SERPINB12: variants seen among roughly 807,000 people sequenced by gnomAD.
SERPINB12 encodes serpin B12.
Under a neutral mutation model 41.1 loss-of-function variants are expected in SERPINB12, and 57 were observed. That is an observed-to-expected ratio of 1.39 (90% CI 1.12 to 1.73). The LOEUF is 1.73. SERPINB12 is among the 40% of genes most tolerant of loss of function. The pLI, the probability that SERPINB12 is intolerant of heterozygous loss-of-function variation, is 0.00. For missense variants in SERPINB12, 536 were observed against 501.9 expected (o/e 1.07, Z -0.65); for synonymous variants, 180 against 181.3 (o/e 0.99, Z 0.06).
At chr18:63,558,612 C>T (rs1910762617) in intron 3 of SERPINB12, 126 bp downstream of exon 3, 17 of 1,047,334 alleles carry the variant, frequency 1.6e-5, no homozygotes, top group Non-Finnish European at 2.3e-5. Flanking sequence ...ACAGCAATAA[C>T]CTCATGTGAT....
In SERPINB12 at chr18:63,562,943, C is replaced by G. The variant is rs1431594172; in HGVS notation, c.563-1035C>G. 2.0e-5 allele frequency among the ~76,000 whole-genome samples: 3 copies of G among 152,260 alleles called. No individual in the cohort carries two copies. The East Asian group carries it at 5.8e-4, about 29-fold the overall frequency. The stretch of plus-strand genomic sequence containing the variant: ...TGTATACTAAAGGTGGGATATTGCC[C>G]GCTAGCCTGGGGCTTTTCAAGTGGA... On this transcript the variant is annotated intron_variant, in intron 5 of 7. Coordinates refer to ENST00000382768, the MANE Select transcript of SERPINB12 (RefSeq NM_001307928.2).
rs539666888 is a variant in SERPINB12 at position 63,561,170 on chromosome 18, A to C, written c.530A>C (p.Glu177Ala). ...FQKNPEKSRQEINFWVECQSQ... is the reference protein window; with the variant it reads ...FQKNPEKSRQAINFWVECQSQ... ...AAAAACCCTGAAAAATCCAGACAAGAGATTAACTTCTGGGTTGAATGTCAA... is the reference window on the plus strand; with the variant it reads ...AAAAACCCTGAAAAATCCAGACAAGCGATTAACTTCTGGGTTGAATGTCAA... The change falls in exon 5 of 8, where the codon GAG becomes GCG. Residue 177 changes from glutamate to alanine, a missense_variant. Transcript: ENST00000382768. 15 of 1,612,246 alleles carry C rather than the reference A, an allele frequency of 9.3e-6. No individual in the cohort carries two copies. In the African/African-American group the frequency reaches 1.9e-4, roughly 20 times the overall value.
At chr18:63,558,132 T>C (rs778801781) in intron 2 of SERPINB12, among the ~76,000 whole-genome samples, 9 of 152,232 alleles carry the variant, frequency 5.9e-5, no homozygotes, top group African/African-American at 1.7e-4. Flanking sequence ...AGTTTGGTTA[T>C]ATTTATTCAT....
chr18:63,521,971 G>T, the SERPINB12 span, among the ~76,000 whole-genome samples: 1 of 152,256 alleles, frequency 6.6e-6, no homozygotes, highest in East Asian at 1.9e-4. Flanking sequence ...GAACTCAAAA[G>T]CAATAGGTAG....
intron 1 of SERPINB12, among the ~76,000 whole-genome samples, chr18:63,544,034 A>G (rs1028421784): frequency 6.6e-6 from 1 of 152,234 alleles, no homozygotes; most frequent in African/African-American, 2.4e-5. Context: ...TTTAAAAACC[A>G]TGGTATTTCA....
At chr18:63,542,363 C>T (rs1354101930), upstream of SERPINB12, among the ~76,000 whole-genome samples, 2 of 152,202 alleles carry the variant, frequency 1.3e-5, no homozygotes, top group Non-Finnish European at 2.9e-5. Context: ...GAATAGCTTG[C>T]TCAATGCCTC....
chr18:63,521,147 C>A, the SERPINB12 span, among the ~76,000 whole-genome samples: 1 of 152,100 alleles, frequency 6.6e-6, no homozygotes, highest in African/African-American at 2.4e-5. Context: ...AAAGTTATGG[C>A]TTTTGCAGAG....
chr18:63,519,765 CAT>C, the SERPINB12 span, among the ~76,000 whole-genome samples: 19 of 152,146 alleles, frequency 1.2e-4, no homozygotes, highest in Non-Finnish European at 2.6e-4. Context: ...CTAAAAATTT[CAT>C]ATGTCTCAGC....
chr18:63,556,911 C>T (rs1324310848), intron 2 of SERPINB12, among the ~76,000 whole-genome samples: 2 of 152,228 alleles, frequency 1.3e-5, no homozygotes, highest in African/African-American at 2.4e-5. Flanking sequence ...GCAGCAACTT[C>T]CTGATGGGCT....
At chr18:63,557,494 A>G (rs1053082539) in intron 2 of SERPINB12, among the ~76,000 whole-genome samples, 1 of 152,176 alleles carries the variant, frequency 6.6e-6, no homozygotes, top group Non-Finnish European at 1.5e-5. Flanking sequence ...GTTATGCACA[A>G]CTCAGGCTGT....
At chr18:63,547,391 C>A (rs1053427347) in intron 1 of SERPINB12, among the ~76,000 whole-genome samples, 1 of 151,110 alleles carries the variant, frequency 6.6e-6, no homozygotes, top group African/African-American at 2.4e-5. Flanking sequence ...TTGGAAAACA[C>A]TTTCGATGGT....
At chr18:63,556,703 A>T (rs1438865677) in intron 2 of SERPINB12, among the ~76,000 whole-genome samples, 1 of 152,236 alleles carries the variant, frequency 6.6e-6, no homozygotes, top group Non-Finnish European at 1.5e-5. Context: ...ATTTCATTAA[A>T]TAAATATTCA....
the SERPINB12 span, among the ~76,000 whole-genome samples, chr18:63,521,407 G>A: frequency 1.3e-5 from 2 of 152,334 alleles, no homozygotes; most frequent in South Asian, 2.1e-4. Flanking sequence ...CTGTTGGAGA[G>A]AAGTGACTGG....
rs895661591 is a variant in SERPINB12 at position 63,568,644 on chromosome 18, G to A, written c.*1633G>A. Among the ~76,000 whole-genome samples, 1 of 152,138 alleles carries A rather than the reference G, an allele frequency of 6.6e-6. No homozygotes were observed. The highest frequency in any genetic ancestry group is 2.4e-5 in the African/African-American group (1 of 41,412). On this transcript the variant is annotated 3_prime_UTR_variant, in exon 8 of 8. Coordinates refer to ENST00000382768, the MANE Select transcript of SERPINB12 (RefSeq NM_001307928.2). ...CTCTTTCCTATCGAGGTGGGTTTCA[G>A]GTCTTGCTTGCGGCTCAGTTTCCTT... is the stretch of plus-strand genomic sequence containing the variant.
intron 1 of SERPINB12, among the ~76,000 whole-genome samples, chr18:63,554,161 C>G (rs562858173): frequency 3.9e-5 from 6 of 152,260 alleles, no homozygotes; most frequent in African/African-American, 1.2e-4. Flanking sequence ...CCACATACAG[C>G]AGGCATGTGT....
rs1910888759 is a variant in SERPINB12, at chr18:63,561,077, T to A, written c.445-8T>A. 1 of 1,563,026 alleles carries A rather than the reference T, an allele frequency of 6.4e-7. No individual in the cohort carries two copies. Among genetic ancestry groups the A allele is most frequent in the Admixed American group, 1.7e-5 (1 of 59,442 alleles). ...TTGCATTATTTCCCTTTTATTCCAA[T>A]GGAACAGGAATACTTAGATGGTGTG... On this transcript the variant is annotated splice_region_variant and splice_polypyrimidine_tract_variant and intron_variant, in intron 4 of 7. Transcript: ENST00000382768.
intron 1 of SERPINB12, among the ~76,000 whole-genome samples, chr18:63,544,946 G>T (rs1035530405): frequency 6.6e-6 from 1 of 152,062 alleles, no homozygotes; most frequent in Non-Finnish European, 1.5e-5. Context: ...ATGACAAAGA[G>T]CCCCTTTGTA....
At chr18:63,521,200 A>AAAATC in the SERPINB12 span, among the ~76,000 whole-genome samples, 2 of 152,204 alleles carry the variant, frequency 1.3e-5, no homozygotes, top group African/African-American at 4.8e-5. Flanking sequence ...GTGTATGAAA[A>AAAATC]AAATCCCTTC....
At chr18:63,529,475 T>C in the SERPINB12 span, among the ~76,000 whole-genome samples, 1 of 152,196 alleles carries the variant, frequency 6.6e-6, no homozygotes, top group Non-Finnish European at 1.5e-5. Context: ...CTGCGTTTTG[T>C]CAGGGATTGG....
Sources: gnomAD v4.1 joint callset for allele counts (sites outside exome capture counted in the v4.1 genomes callset) on GRCh38, gnomAD v4.1.1 for gene constraint, MANE v1.5 for transcripts, NCBI Gene and HGNC (gene_info 2026-07-23, HGNC 2026-07-21) for gene names.